BTD: variants seen among roughly 807,000 people sequenced by gnomAD.
BTD encodes the protein biotinidase.
BTD carries 13 observed loss-of-function variants against 17.7 expected under a neutral mutation model. That is an observed-to-expected ratio of 0.74 (90% CI 0.48 to 1.17). The LOEUF (loss-of-function observed/expected upper bound fraction) is 1.17. Among genes scored for constraint, BTD ranks in the 50% most tolerant of loss-of-function variants. The pLI is 0.00. For synonymous variants in BTD, 240 were observed against 245.2 expected, an observed-to-expected ratio of 0.98 and a Z score of 0.20; for missense variants, 674 against 650.4, an observed-to-expected ratio of 1.04 and a Z score of -0.39.
At chr3:15,671,303 C>G (rs906195611) in intron 3 of BTD, among the ~76,000 whole-genome samples, 4 of 152,118 alleles carry the variant, frequency 2.6e-5, no homozygotes, top group African/African-American at 9.7e-5. Context: ...TCAGTTGGTA[C>G]AAGACTCAGT....
At chr3:15,679,208 C>A in intron 3 of BTD, 1 of 1,210,560 alleles carries the variant, frequency 8.3e-7, no homozygotes, top group South Asian at 1.3e-5. Context: ...GGCTTCAAGT[C>A]ATCCTCCCAC....
At chr3:15,680,924 C>T (rs564865677) in intron 3 of BTD, among the ~76,000 whole-genome samples, 7 of 152,310 alleles carry the variant, frequency 4.6e-5, no homozygotes, top group Admixed American at 4.6e-4. Context: ...GCCTCAGCCT[C>T]CTAAAATGCT....
Position 15,646,005 on chromosome 3 carries a change from A to C in BTD, c.*517A>C, listed in dbSNP as rs1217821572. The C allele has an allele frequency of 6.5e-6, 1 of 152,958 alleles. No homozygotes were observed. The highest frequency in any genetic ancestry group is 1.5e-5 in the Non-Finnish European group (1 of 68,656). 9.5% of individuals were successfully genotyped at this position (152,958 alleles called of 1,614,324 possible). Reference sequence around the variant, plus strand: ...ATTCTGGTCGACCAGAACTCTAGCCAGATGAAATGGCAATGCTAGCGCCAC... The same window carrying C: ...ATTCTGGTCGACCAGAACTCTAGCCCGATGAAATGGCAATGCTAGCGCCAC... On this transcript the variant is annotated 3_prime_UTR_variant, in exon 4 of 4. Transcript: ENST00000643237.
intron 1 of BTD, among the ~76,000 whole-genome samples, chr3:15,620,871 A>G (rs1048477547): frequency 3.3e-5 from 5 of 152,256 alleles, no homozygotes; most frequent in Non-Finnish European, 7.3e-5. Context: ...GAATTGGCTC[A>G]CACAATTATG....
intron 1 of BTD, among the ~76,000 whole-genome samples, chr3:15,605,097 C>T (rs1386235849): frequency 6.6e-6 from 1 of 152,204 alleles, no homozygotes; most frequent in African/African-American, 2.4e-5. Flanking sequence ...AGTAGTGCCC[C>T]ACTCTCTGCA....
chr3:15,668,355 ATTTT>A (rs879319232), intron 3 of BTD: 1 of 145,224 alleles, frequency 6.9e-6, no homozygotes, highest in Non-Finnish European at 1.5e-5. Context: ...AATCTGCTTG[ATTTT>A]TTTTTTTTTC....
chr3:15,681,917 G>A (rs1190726710), intron 3 of BTD, among the ~76,000 whole-genome samples: 1 of 152,098 alleles, frequency 6.6e-6, no homozygotes, highest in Non-Finnish European at 1.5e-5. Flanking sequence ...GGCCCAAAAC[G>A]TCATAGTGCT....
chr3:15,667,128 T>G (rs2066017384), intron 3 of BTD: 1 of 152,152 alleles, frequency 6.6e-6, no homozygotes, highest in African/African-American at 2.4e-5. Context: ...CTAAAACAAC[T>G]TTGCTAAAAA....
intron 3 of BTD, chr3:15,690,291 G>A: frequency 8.0e-7 from 1 of 1,255,798 alleles, no homozygotes; most frequent in Non-Finnish European, 1.1e-6. Flanking sequence ...TTGAATAAAT[G>A]TAAATAAGCA....
intron 2 of BTD, among the ~76,000 whole-genome samples, chr3:15,637,857 G>A (rs888552382): frequency 1.3e-5 from 2 of 152,120 alleles, no homozygotes; most frequent in African/African-American, 4.8e-5. Context: ...TCAATAATCT[G>A]CCCCCAGAGG....
rs141268059 is a variant in BTD, at chr3:15,646,337, T to A, written c.*849T>A. ...AAGAGTTGGGCACGTTGCCCGACTGTGCAGGATGGATTGATGCTGGTATAA... is the reference window on the plus strand; with the variant it reads ...AAGAGTTGGGCACGTTGCCCGACTGAGCAGGATGGATTGATGCTGGTATAA... On this transcript the variant is annotated 3_prime_UTR_variant, in exon 4 of 4. Coordinates refer to ENST00000643237, the MANE Select transcript of BTD (RefSeq NM_001370658.1). 1 of 152,380 alleles carries A rather than the reference T, an allele frequency of 6.6e-6. No individual in the cohort carries two copies. Among genetic ancestry groups the A allele is most frequent in the African/African-American group, 2.4e-5 (1 of 41,580 alleles). 9.4% of individuals were successfully genotyped at this position (152,380 alleles called of 1,614,324 possible). A position where few individuals can be genotyped will look rare whatever the true frequency, so the allele number is the denominator to read the frequency against.
upstream of BTD, chr3:15,601,374 C>G (rs1466047910): frequency 1.2e-6 from 2 of 1,614,104 alleles, no homozygotes; most frequent in Non-Finnish European, 1.7e-6. Flanking sequence ...CCAGGAAGGT[C>G]CATCGTACTT....
intron 3 of BTD, among the ~76,000 whole-genome samples, chr3:15,692,224 G>A (rs774874765): frequency 6.6e-6 from 1 of 151,934 alleles, no homozygotes; most frequent in Non-Finnish European, 1.5e-5. Flanking sequence ...GCCAACACAG[G>A]AGGATTACTT....
intron 3 of BTD, among the ~76,000 whole-genome samples, chr3:15,664,892 A>C (rs2065961836): frequency 6.6e-6 from 1 of 152,190 alleles, no homozygotes; most frequent in South Asian, 2.1e-4. Flanking sequence ...TGTTCAAAAA[A>C]CTACCTATTA....
chr3:15,618,433 G>C (rs1286362991), intron 1 of BTD, among the ~76,000 whole-genome samples: 3 of 152,124 alleles, frequency 2.0e-5, no homozygotes, highest in Non-Finnish European at 4.4e-5. Context: ...GAGTTTTGTA[G>C]TTTTTTCATG....
chr3:15,602,063 T>C (rs1010605317), intron 1 of BTD, 169 bp downstream of exon 1: 2 of 1,449,434 alleles, frequency 1.4e-6, no homozygotes, highest in African/African-American at 1.4e-5. Context: ...GCTGCTGTGC[T>C]ACCGCGTTGC....
downstream of BTD, among the ~76,000 whole-genome samples, chr3:15,654,002 G>A (rs1176609674): frequency 2.0e-5 from 3 of 152,166 alleles, no homozygotes; most frequent in African/African-American, 7.2e-5. Flanking sequence ...GATTACAGGC[G>A]TGAGCCACTG....
At chr3:15,603,079 A>G (rs1403875141) in intron 1 of BTD, among the ~76,000 whole-genome samples, 1 of 152,152 alleles carries the variant, frequency 6.6e-6, no homozygotes, top group East Asian at 1.9e-4. Flanking sequence ...ACAGCATGGG[A>G]AAAATCCCCT....
chr3:15,661,324 A>G (rs1045036793), intron 3 of BTD, among the ~76,000 whole-genome samples: 1 of 150,952 alleles, frequency 6.6e-6, no homozygotes, highest in Non-Finnish European at 1.5e-5. Context: ...CCACATCCAC[A>G]CTAGCATTTG....
Sources: allele counts gnomAD v4.1 joint callset (sites outside exome capture counted in the v4.1 genomes callset), GRCh38; gene constraint gnomAD v4.1.1; transcripts MANE v1.5; gene names NCBI Gene and HGNC (gene_info 2026-07-23, HGNC 2026-07-21).